Variants in NRXN3 observed in about 807,000 individuals in gnomAD.
NRXN3 encodes neurexin 3, also known as neurexin III.
A neutral mutation model predicts 137.6 loss-of-function variants in NRXN3; 32 were observed. The ratio of observed to expected loss-of-function variants is 0.23; its 90% confidence interval spans 0.18 to 0.31. NRXN3 has a LOEUF of 0.31. NRXN3 is among the 10% of genes least tolerant of loss of function. The pLI is 1.00. For missense variants in NRXN3, 1,574 were observed against 2,062.5 expected (o/e 0.76, Z 4.59); for synonymous variants, 798 against 784.5 (o/e 1.02, Z -0.29).
At chr14:79,335,485 A>G (rs1330396913) in intron 15 of NRXN3, among the ~76,000 whole-genome samples, 2 of 151,880 alleles carry the variant, frequency 1.3e-5, no homozygotes, top group African/African-American at 4.8e-5. Flanking sequence ...ACACCCCTCT[A>G]TTAACAGAGA....
chr14:79,324,679 A>T (rs2090582806), intron 15 of NRXN3, among the ~76,000 whole-genome samples: 1 of 152,200 alleles, frequency 6.6e-6, no homozygotes, highest in African/African-American at 2.4e-5. Flanking sequence ...GATTGGGTGG[A>T]GGGAATAAAG....
intron 15 of NRXN3, among the ~76,000 whole-genome samples, chr14:79,210,724 A>G (rs551028867): frequency 6.6e-6 from 1 of 152,328 alleles, no homozygotes; most frequent in Middle Eastern, 3.4e-3. Flanking sequence ...TGATGCAACA[A>G]TGATGCTTGG....
intron 15 of NRXN3, among the ~76,000 whole-genome samples, chr14:79,334,563 G>A (rs2092091569): frequency 6.6e-6 from 1 of 152,302 alleles, no homozygotes; most frequent in Non-Finnish European, 1.5e-5. Context: ...AGCATATTGT[G>A]TATGGCCTTG....
intron 6 of NRXN3, among the ~76,000 whole-genome samples, chr14:78,701,061 C>T (rs920901300): frequency 7.9e-5 from 12 of 152,146 alleles, no homozygotes; most frequent in African/African-American, 2.4e-4. Flanking sequence ...TGAGCCACTG[C>T]GCCCGGCCTG....
At position 79,316,582 on chromosome 14, in the gene NRXN3, A is replaced by T. The variant is rs930576714; in HGVS notation, c.3263-150639A>T. Among the ~76,000 whole-genome samples the T allele has an allele frequency of 2.0e-5, 3 of 152,334 alleles. No individual in the cohort carries two copies. The South Asian group carries it at 6.2e-4, about 32-fold the overall frequency. ...CATCATCTATTTATGCAAGTATTTT[A>T]ACATTTTAATAATTGATACAGTTAT... On this transcript the variant is annotated intron_variant, in intron 15 of 20. Transcript: ENST00000335750.
At chr14:78,892,090 G>A (rs1300471144) in intron 10 of NRXN3, among the ~76,000 whole-genome samples, 1 of 151,900 alleles carries the variant, frequency 6.6e-6, no homozygotes, top group East Asian at 1.9e-4. Context: ...AAATGGAAAT[G>A]CTTGTGCCCC....
At chr14:79,330,566 G>C (rs2091534860) in intron 15 of NRXN3, among the ~76,000 whole-genome samples, 1 of 152,164 alleles carries the variant, frequency 6.6e-6, no homozygotes, top group South Asian at 2.1e-4. Flanking sequence ...TACACATGAT[G>C]CTTACAAGGC....
chr14:78,801,059 C>A (rs530479976), intron 8 of NRXN3, among the ~76,000 whole-genome samples: 1 of 152,210 alleles, frequency 6.6e-6, no homozygotes, highest in African/African-American at 2.4e-5. Flanking sequence ...CAGTGGCTCA[C>A]GCCTGTAATC....
chr14:78,228,010 C>G (rs867953462), intron 1 of NRXN3, among the ~76,000 whole-genome samples: 1 of 152,150 alleles, frequency 6.6e-6, no homozygotes, highest in African/African-American at 2.4e-5. Context: ...AGTCACATGT[C>G]TGAGCTTAGT....
chr14:79,782,512 T>C (rs1242600742), intron 19 of NRXN3, among the ~76,000 whole-genome samples: 2 of 152,168 alleles, frequency 1.3e-5, no homozygotes, highest in South Asian at 4.1e-4. Flanking sequence ...ATTTCACCCA[T>C]TGGATGGGGC....
intron 1 of NRXN3, among the ~76,000 whole-genome samples, chr14:78,184,873 A>T (rs1056560236): frequency 6.6e-6 from 1 of 152,242 alleles, no homozygotes; most frequent in African/African-American, 2.4e-5. Context: ...TGCTGGGTGG[A>T]TGGAGGAACC....
intron 15 of NRXN3, among the ~76,000 whole-genome samples, chr14:79,436,941 G>A (rs2095854332): frequency 6.6e-6 from 1 of 152,076 alleles, no homozygotes. Context: ...CCTTGTCCAC[G>A]CTGCACACAG....
At chr14:78,210,190 A>G (rs919865339) in intron 1 of NRXN3, among the ~76,000 whole-genome samples, 8 of 152,154 alleles carry the variant, frequency 5.3e-5, no homozygotes, top group African/African-American at 1.9e-4. Context: ...GGCGAGTGGG[A>G]AATCCAGGAT....
chr14:78,455,454 G>A (rs1274963267), intron 4 of NRXN3, among the ~76,000 whole-genome samples: 2 of 152,222 alleles, frequency 1.3e-5, no homozygotes, highest in African/African-American at 4.8e-5. Context: ...CCAGGGGCTT[G>A]CGCATATATC....
intron 6 of NRXN3, among the ~76,000 whole-genome samples, chr14:78,673,142 T>G (rs146970549): frequency 7.0e-4 from 107 of 152,336 alleles, no homozygotes; most frequent in African/African-American, 2.5e-3. Context: ...GGTTAAATCC[T>G]GTGACCTGAA....
intron 19 of NRXN3, among the ~76,000 whole-genome samples, chr14:79,774,328 A>T (rs1381944141): frequency 1.3e-5 from 2 of 152,144 alleles, no homozygotes; most frequent in Non-Finnish European, 2.9e-5. Context: ...GAAAACTGAA[A>T]TAGAAAGAGC....
At chr14:78,461,365 GGGGT>G (rs2094915924) in intron 4 of NRXN3, among the ~76,000 whole-genome samples, 1 of 152,084 alleles carries the variant, frequency 6.6e-6, no homozygotes, top group Non-Finnish European at 1.5e-5. Context: ...CTCAAGTCTA[GGGGT>G]TTGCTCTGAG....
chr14:79,118,257 C>G (rs1409280362), intron 15 of NRXN3, among the ~76,000 whole-genome samples: 1 of 151,746 alleles, frequency 6.6e-6, no homozygotes, highest in Non-Finnish European at 1.5e-5. Flanking sequence ...TAGTTTTTAA[C>G]CTTAGTTTGC....
chr14:79,067,642 A>T (rs2099682443), intron 15 of NRXN3, among the ~76,000 whole-genome samples: 1 of 151,906 alleles, frequency 6.6e-6, no homozygotes, highest in African/African-American at 2.4e-5. Context: ...CAATTTCAGA[A>T]CGTGGTCTAT....
Sources: allele counts gnomAD v4.1 joint callset (sites outside exome capture counted in the v4.1 genomes callset), GRCh38; gene constraint gnomAD v4.1.1; transcripts MANE v1.5; gene names NCBI Gene and HGNC (gene_info 2026-07-23, HGNC 2026-07-21).